Variants in TENT2 observed in about 807,000 individuals in gnomAD.
The protein encoded by TENT2 is poly(A) RNA polymerase GLD2.
In TENT2, 44 loss-of-function variants were observed where a neutral mutation model predicts 72.2. The ratio of observed to expected loss-of-function variants is 0.61; its 90% CI spans 0.48 to 0.78. The LOEUF is 0.78. TENT2 is among the 30% of genes least tolerant of loss of function. TENT2 has a pLI of 0.00. For missense variants in TENT2, 541 were observed against 569.6 expected, an observed-to-expected ratio of 0.95 and a Z score of 0.51; for synonymous variants, 212 against 192.5, an observed-to-expected ratio of 1.10 and a Z score of -0.84.
chr5:79,653,934 T>C (rs1456818289), intron 10 of TENT2, among the ~76,000 whole-genome samples: 1 of 152,192 alleles, frequency 6.6e-6, no homozygotes, highest in Non-Finnish European at 1.5e-5. Context: ...TTACGTTTTG[T>C]TTAACTTCTT....
chr5:79,678,719 A>T (rs907691055), intron 12 of TENT2, among the ~76,000 whole-genome samples: 8 of 152,172 alleles, frequency 5.3e-5, no homozygotes, highest in African/African-American at 1.9e-4. Context: ...ATCCACTTCT[A>T]TCGAAAATTT....
chr5:79,676,161 T>TACAC (rs1174537553), intron 12 of TENT2, among the ~76,000 whole-genome samples: 3 of 121,032 alleles, frequency 2.5e-5, no homozygotes, highest in African/African-American at 8.7e-5. Flanking sequence ...CATATATATG[T>TACAC]ATACACACAC....
At chr5:79,654,336 C>CAGT (rs1489278140) in intron 10 of TENT2, among the ~76,000 whole-genome samples, 2 of 151,910 alleles carry the variant, frequency 1.3e-5, no homozygotes, top group Admixed American at 6.6e-5. Flanking sequence ...GAGGCTGAGG[C>CAGT]AGTAGAATCA....
chr5:79,638,044 T>C (rs4704569), intron 4 of TENT2, among the ~76,000 whole-genome samples: 30,811 of 151,988 alleles, frequency 0.2, 4,607 homozygotes, highest in African/African-American at 0.42. Flanking sequence ...GTGATCTGCC[T>C]GCATTGGCCT....
chr5:79,628,090 A>G (rs547322249), intron 4 of TENT2, among the ~76,000 whole-genome samples: 27 of 152,114 alleles, frequency 1.8e-4, no homozygotes, highest in Non-Finnish European at 3.2e-4. Context: ...GGAGGTTAAG[A>G]TACTTAAAAT....
chr5:79,683,943 A>G (rs1189191575), intron 14 of TENT2, among the ~76,000 whole-genome samples: 1 of 150,910 alleles, frequency 6.6e-6, no homozygotes, highest in Non-Finnish European at 1.5e-5. Context: ...AAAAAAAAAA[A>G]AAAAAAAAAG....
At chr5:79,633,066 T>A in intron 4 of TENT2, among the ~76,000 whole-genome samples, 1 of 152,204 alleles carries the variant, frequency 6.6e-6, no homozygotes, top group Non-Finnish European at 1.5e-5. Flanking sequence ...AAGTGGGTTG[T>A]TTTAGGCATG....
chr5:79,613,636 G>A (rs908214160), intron 1 of TENT2, among the ~76,000 whole-genome samples: 1 of 152,304 alleles, frequency 6.6e-6, no homozygotes, highest in South Asian at 2.1e-4. Context: ...AATTATGTCT[G>A]TTCTGGAAAT....
At chr5:79,637,199 C>G (rs1324527427) in intron 4 of TENT2, among the ~76,000 whole-genome samples, 4 of 151,328 alleles carry the variant, frequency 2.6e-5, no homozygotes, top group Non-Finnish European at 5.9e-5. Context: ...ACATTGCACT[C>G]TAGTCTGGGA....
chr5:79,686,714 A>G lies in TENT2; in HGVS notation c.*1441A>G, dbSNP rs1826155769. The G allele has an allele frequency of 6.6e-6, 1 of 152,150 alleles. No homozygotes were observed. Among genetic ancestry groups the G allele is most frequent in the Admixed American group, 6.5e-5 (1 of 15,270 alleles). 9.4% of individuals were successfully genotyped at this position (152,150 alleles called of 1,614,324 possible). On this transcript the variant is annotated 3_prime_UTR_variant, in exon 15 of 15. Coordinates refer to ENST00000453514, the MANE Select transcript of TENT2 (RefSeq NM_001114394.3). ...GAGACCGAGGCTGTAGTTATCATCTAGAACTGAACTAAATCTACTTATTAG... is the reference window on the plus strand; with the variant it reads ...GAGACCGAGGCTGTAGTTATCATCTGGAACTGAACTAAATCTACTTATTAG...
chr5:79,658,090 C>T (rs1010941980), intron 11 of TENT2, among the ~76,000 whole-genome samples: 1 of 152,180 alleles, frequency 6.6e-6, no homozygotes, highest in Non-Finnish European at 1.5e-5. Flanking sequence ...CATTTTAATA[C>T]AGCCCTGCTG....
chr5:79,638,879 T>C (rs1006383821), intron 4 of TENT2, among the ~76,000 whole-genome samples: 3 of 152,242 alleles, frequency 2.0e-5, no homozygotes, highest in South Asian at 2.1e-4. Flanking sequence ...AAAAATGTTA[T>C]GCTTCTTTCA....
Position 79,688,028 on chromosome 5 carries a change from T to C in TENT2, c.*2755T>C, listed in dbSNP as rs537973023. On this transcript the variant is annotated 3_prime_UTR_variant, in exon 15 of 15. Transcript: ENST00000453514. ...ATTGCTGATGCTAAACCTGGTTTAGTGAGCTGTGGAAGCCTTGACTCTGCT... is the reference window on the plus strand; with the variant it reads ...ATTGCTGATGCTAAACCTGGTTTAGCGAGCTGTGGAAGCCTTGACTCTGCT... 3.3e-5 allele frequency among the ~76,000 whole-genome samples: 5 copies of C among 152,306 alleles called. No homozygotes were observed. The East Asian group carries it at 9.6e-4, about 29-fold the overall frequency.
intron 6 of TENT2, 112 bp from the exon 7 acceptor site, chr5:79,642,720 A>G (rs1198991248): frequency 6.4e-6 from 5 of 777,644 alleles, no homozygotes; most frequent in Non-Finnish European, 1.0e-5. Context: ...TTGAAAAATA[A>G]CTCCAAAGGA....
At chr5:79,642,253 A>T (rs1485376963) in intron 6 of TENT2, among the ~76,000 whole-genome samples, 1 of 152,068 alleles carries the variant, frequency 6.6e-6, no homozygotes, top group East Asian at 1.9e-4. Flanking sequence ...TTATTCCAGG[A>T]AGAATGATAT....
chr5:79,661,739 TG>T (rs1183398716), intron 11 of TENT2, among the ~76,000 whole-genome samples: 5 of 151,916 alleles, frequency 3.3e-5, no homozygotes, highest in African/African-American at 1.2e-4. Context: ...CTGATCAGAG[TG>T]GTGGTTGCTG....
At chr5:79,621,875 T>G (rs1374582385) in intron 3 of TENT2, among the ~76,000 whole-genome samples, 1 of 152,210 alleles carries the variant, frequency 6.6e-6, no homozygotes, top group Non-Finnish European at 1.5e-5. Context: ...CTAAAATACT[T>G]TTATGTTTAA....
Position 79,623,247 on chromosome 5 carries a change from T to C in TENT2, c.228-5T>C. ...TAATTACTAAGGTATATTGCTTGTT[T>C]TCAGGAGATTAAGCGATGAAAAAAA... On this transcript the variant is annotated splice_polypyrimidine_tract_variant and splice_region_variant and intron_variant, in intron 3 of 14. Transcript: ENST00000453514. 6.2e-7 allele frequency: 1 copy of C among 1,606,884 alleles called. No homozygotes were observed. Among genetic ancestry groups the C allele is most frequent in the East Asian group, 2.2e-5 (1 of 44,788 alleles).
intron 4 of TENT2, among the ~76,000 whole-genome samples, chr5:79,632,545 G>A (rs1053143652): frequency 6.6e-6 from 1 of 152,106 alleles, no homozygotes; most frequent in Non-Finnish European, 1.5e-5. Context: ...GGTATTATGT[G>A]AATTGACTTA....
Sources: gnomAD v4.1 joint callset for allele counts (sites outside exome capture counted in the v4.1 genomes callset) on GRCh38, gnomAD v4.1.1 for gene constraint, MANE v1.5 for transcripts, NCBI Gene and HGNC (gene_info 2026-07-23, HGNC 2026-07-21) for gene names.